The following CNTLN variants were observed in gnomAD, a reference collection of about 807,000 sequenced individuals.
CNTLN encodes the protein centlein, also known as centlein, centrosomal protein.
In CNTLN, 212 loss-of-function variants were observed where a neutral mutation model predicts 180.0. That is an observed-to-expected ratio of 1.18 (90% CI 1.05 to 1.32). CNTLN has a LOEUF of 1.32. CNTLN is among the 40% of genes most tolerant of loss of function. The pLI, the probability that CNTLN is intolerant of heterozygous loss-of-function variation, is 0.00. For synonymous variants in CNTLN, 722 were observed against 563.1 expected (o/e 1.28, Z -3.99); for missense variants, 2,095 against 1,610.9 (o/e 1.30, Z -5.14).
intron 18 of CNTLN, among the ~76,000 whole-genome samples, chr9:17,437,619 A>G (rs1186493646): frequency 1.3e-5 from 2 of 152,170 alleles, no homozygotes; most frequent in African/African-American, 2.4e-5. Flanking sequence ...GTTTTAAATG[A>G]CTAGAATATT....
intron 11 of CNTLN, 49 bp downstream of exon 11, chr9:17,340,997 G>A: frequency 5.2e-6 from 8 of 1,538,832 alleles, no homozygotes; most frequent in Non-Finnish European, 7.0e-6. Context: ...TAAATGGAAT[G>A]GAGTAGCATT....
At chr9:17,373,282 A>G (rs562882398) in intron 13 of CNTLN, among the ~76,000 whole-genome samples, 117 of 152,328 alleles carry the variant, frequency 7.7e-4, no homozygotes, top group African/African-American at 2.8e-3. Context: ...AGTAAAGTGG[A>G]GGATACAAAA....
intron 13 of CNTLN, among the ~76,000 whole-genome samples, chr9:17,378,282 C>G (rs575266672): frequency 2.7e-3 from 406 of 152,262 alleles, no homozygotes; most frequent in African/African-American, 9.2e-3. Flanking sequence ...CTGGTTCAAG[C>G]AATTCTCCTG....
chr9:17,162,382 G>A (rs1171083015), intron 2 of CNTLN, among the ~76,000 whole-genome samples: 2 of 152,288 alleles, frequency 1.3e-5, no homozygotes, highest in East Asian at 1.9e-4. Flanking sequence ...CCAAAGTGCT[G>A]GGATTACAGG....
chr9:17,389,777 C>CA (rs1825955034), intron 14 of CNTLN, among the ~76,000 whole-genome samples: 1 of 151,946 alleles, frequency 6.6e-6, no homozygotes, highest in Non-Finnish European at 1.5e-5. Flanking sequence ...ATTAACATTT[C>CA]ACATTGTTAT....
chr9:17,363,920 T>C (rs116280461), intron 12 of CNTLN, among the ~76,000 whole-genome samples: 2,826 of 152,264 alleles, frequency 0.019, 111 homozygotes, highest in African/African-American at 0.065. Context: ...AACTTTGGCA[T>C]GTGAAAGATA....
chr9:17,434,886 C>T (rs746201914), intron 18 of CNTLN, among the ~76,000 whole-genome samples: 25 of 151,650 alleles, frequency 1.6e-4, no homozygotes, highest in Non-Finnish European at 3.4e-4. Flanking sequence ...TTTCTTTTGG[C>T]CTCCATAGTT....
At chr9:17,368,370 C>G (rs935531520) in intron 13 of CNTLN, among the ~76,000 whole-genome samples, 1 of 152,156 alleles carries the variant, frequency 6.6e-6, no homozygotes, top group East Asian at 1.9e-4. Flanking sequence ...TTTTACTCTA[C>G]TCCCTGGCTC....
chr9:17,291,324 A>G (rs1459912273), intron 6 of CNTLN, among the ~76,000 whole-genome samples: 8 of 152,070 alleles, frequency 5.3e-5, no homozygotes, highest in Admixed American at 5.2e-4. Context: ...TATCAGGTCC[A>G]CTTGATCCAG....
intron 2 of CNTLN, among the ~76,000 whole-genome samples, chr9:17,180,847 T>TCTTTC (rs1159716827): frequency 2.0e-5 from 3 of 152,192 alleles, no homozygotes; most frequent in African/African-American, 7.2e-5. Context: ...TCTTTTCTTT[T>TCTTTC]CTTTCGGTAT....
intron 2 of CNTLN, chr9:17,168,094 G>T (rs1191878957): frequency 6.6e-6 from 1 of 152,168 alleles, no homozygotes; most frequent in Non-Finnish European, 1.5e-5. Flanking sequence ...AATAGTTTTT[G>T]CTATTCAAAT....
chr9:17,312,584 T>C (rs1819271650), intron 8 of CNTLN, among the ~76,000 whole-genome samples: 1 of 144,118 alleles, frequency 6.9e-6, no homozygotes, highest in Non-Finnish European at 1.5e-5. Flanking sequence ...TTTGTATTTT[T>C]AGTAGAGACA....
chr9:17,199,276 G>A (rs1822354151), intron 2 of CNTLN, among the ~76,000 whole-genome samples: 1 of 135,770 alleles, frequency 7.4e-6, no homozygotes, highest in Non-Finnish European at 1.5e-5. Context: ...CAGTGGCATA[G>A]TCTTGGCTCA....
At chr9:17,496,420 A>C (rs1158887852) in intron 25 of CNTLN, among the ~76,000 whole-genome samples, 1 of 152,182 alleles carries the variant, frequency 6.6e-6, no homozygotes, top group African/African-American at 2.4e-5. Context: ...CAGAGTGAGC[A>C]AGGGAGCGAG....
At chr9:17,431,773 G>T (rs1363519100) in intron 18 of CNTLN, among the ~76,000 whole-genome samples, 2 of 152,082 alleles carry the variant, frequency 1.3e-5, no homozygotes, top group Admixed American at 1.3e-4. Context: ...TGTTTAATGT[G>T]TAGAAGATTA....
intron 5 of CNTLN, among the ~76,000 whole-genome samples, chr9:17,263,120 C>A (rs1349543173): frequency 2.7e-5 from 4 of 150,346 alleles, no homozygotes; most frequent in Non-Finnish European, 5.9e-5. Flanking sequence ...TATACATGTG[C>A]CATGTTGGTG....
At chr9:17,366,281 A>G (rs900205836) in intron 12 of CNTLN, among the ~76,000 whole-genome samples, 6 of 142,682 alleles carry the variant, frequency 4.2e-5, no homozygotes, top group Non-Finnish European at 9.2e-5. Context: ...GCGCGTAACC[A>G]TGATGGGCTA....
At chr9:17,417,378 C>T (rs1309944831) in intron 18 of CNTLN, among the ~76,000 whole-genome samples, 3 of 151,830 alleles carry the variant, frequency 2.0e-5, no homozygotes, top group African/African-American at 4.8e-5. Context: ...TATATCTCAC[C>T]GTGATATTAT....
intron 5 of CNTLN, among the ~76,000 whole-genome samples, chr9:17,258,929 A>T (rs1398806948): frequency 6.7e-6 from 1 of 149,532 alleles, no homozygotes; most frequent in Non-Finnish European, 1.5e-5. Flanking sequence ...AACAGGGACA[A>T]TTTGACTTCC....
Sources: allele counts gnomAD v4.1 joint callset (sites outside exome capture counted in the v4.1 genomes callset), GRCh38; gene constraint gnomAD v4.1.1; transcripts MANE v1.5; gene names NCBI Gene and HGNC (gene_info 2026-07-23, HGNC 2026-07-21).